Variants in FGD6 observed in about 807,000 individuals in gnomAD.
The protein encoded by FGD6 is FYVE, RhoGEF and PH domain-containing protein 6.
In FGD6, 90 loss-of-function variants were observed where a neutral mutation model predicts 149.4. That is an observed-to-expected ratio of 0.60 (90% CI 0.51 to 0.72). The LOEUF (loss-of-function observed/expected upper bound fraction) is 0.72, where lower values mean the gene tolerates loss of function less well. Among genes scored for constraint, FGD6 ranks in the 30% least tolerant of loss-of-function variants. FGD6 has a pLI of 0.00. For synonymous variants in FGD6, 527 were observed against 584.0 expected, an observed-to-expected ratio of 0.90 and a Z score of 1.41; for missense variants, 1,437 against 1,684.8, an observed-to-expected ratio of 0.85 and a Z score of 2.57.
At chr12:95,203,129 T>A (rs967714325) in intron 2 of FGD6, among the ~76,000 whole-genome samples, 3 of 152,216 alleles carry the variant, frequency 2.0e-5, no homozygotes, top group Non-Finnish European at 4.4e-5. Context: ...ACTTGCAGTG[T>A]CATTCAGCAG....
chr12:95,077,931 G>C lies in FGD6; in HGVS notation c.*3589C>G, dbSNP rs1877547860. 1 of 152,234 alleles carries C rather than the reference G, an allele frequency of 6.6e-6. No homozygotes were observed. The highest frequency in any genetic ancestry group is 2.1e-4 in the South Asian group (1 of 4,834). The allele number at this position is 152,234 out of a possible 1,614,324, so 9.4% of individuals were successfully genotyped here. On this transcript the variant is annotated 3_prime_UTR_variant, in exon 21 of 21. Transcript: ENST00000343958. ...GTTACAGATGTAGCTTTGCAGGATAGTGGAGAAAGTAGGTCTAAGGTCCAG... is the reference window on the plus strand; with the variant it reads ...GTTACAGATGTAGCTTTGCAGGATACTGGAGAAAGTAGGTCTAAGGTCCAG...
chr12:95,158,068 G>C (rs111757247), intron 3 of FGD6, among the ~76,000 whole-genome samples: 3 of 151,522 alleles, frequency 2.0e-5, no homozygotes, highest in Non-Finnish European at 4.4e-5. Context: ...GCATGGTCTC[G>C]ATCTCCTGAC....
At chr12:95,207,564 A>G (rs1006384747) in intron 2 of FGD6, among the ~76,000 whole-genome samples, 1 of 152,184 alleles carries the variant, frequency 6.6e-6, no homozygotes, top group East Asian at 1.9e-4. Flanking sequence ...AAAGCTACCT[A>G]TGCGACTATG....
Position 95,125,832 on chromosome 12 carries a change from A to G in FGD6, c.3082+8907T>C, listed in dbSNP as rs148785547. On this transcript the variant is annotated intron_variant, in intron 8 of 20. Coordinates refer to ENST00000343958, the MANE Select transcript of FGD6 (RefSeq NM_018351.4). ...CTTTGGACCTCATGCTGGAAAATTC[A>G]TTGTGATCATAGATGTTATTGATCA... is the stretch of plus-strand genomic sequence containing the variant. The G allele has an allele frequency of 2.4e-4, 239 of 1,003,322 alleles. 2 individuals are homozygous for G. In the East Asian group the frequency reaches 4.6e-3, roughly 19 times the overall value. The allele number at this position is 1,003,322 out of a possible 1,614,324, so 62.2% of individuals were successfully genotyped here.
chr12:95,165,253 T>C (rs1880771272), intron 3 of FGD6, among the ~76,000 whole-genome samples: 1 of 152,092 alleles, frequency 6.6e-6, no homozygotes, highest in Non-Finnish European at 1.5e-5. Context: ...GGCAAGTTAC[T>C]TAACTTGTAT....
At chr12:95,202,627 C>A (rs908788756) in intron 2 of FGD6, among the ~76,000 whole-genome samples, 2 of 151,874 alleles carry the variant, frequency 1.3e-5, no homozygotes, top group Non-Finnish European at 2.9e-5. Context: ...CTCCTGGGCT[C>A]GAGCAATCCT....
intron 18 of FGD6, among the ~76,000 whole-genome samples, chr12:95,088,641 G>A (rs755103752): frequency 4.6e-5 from 7 of 152,184 alleles, no homozygotes; most frequent in Non-Finnish European, 7.3e-5. Context: ...GAATATTTCT[G>A]TCAGCATAAT....
In FGD6 at chr12:95,210,589, A is replaced by T. The variant is rs1445026013; in HGVS notation, c.695T>A (p.Phe232Tyr). ...FADLSPSPSS[F>Y]EKVPDHHSCH... The stretch of plus-strand genomic sequence containing the variant: ...ACTGTGATGATCAGGAACTTTTTCA[A>T]AGCTGGATGGGGAAGGTGACAAATC... The change falls in exon 2 of 21, where the codon TTT becomes TAT. Residue 232 changes from phenylalanine to tyrosine, a missense_variant. Phe to Tyr is a conservative substitution (Grantham distance 22). This residue lies in a region of FGD6 where 1,055 missense variants were observed against 1,146.0 expected (regional missense o/e 0.92). Coordinates refer to ENST00000343958, the MANE Select transcript of FGD6 (RefSeq NM_018351.4). The T allele has an allele frequency of 1.1e-5, 18 of 1,614,206 alleles. No homozygotes were observed. Among genetic ancestry groups the T allele is most frequent in the Non-Finnish European group, 1.4e-5 (17 of 1,180,040 alleles).
intron 8 of FGD6, chr12:95,125,824 GA>G: frequency 1.0e-6 from 1 of 975,422 alleles, no homozygotes; most frequent in Non-Finnish European, 1.7e-6. Flanking sequence ...CCTCATGCTG[GA>G]AAATTCATTG....
intron 14 of FGD6, among the ~76,000 whole-genome samples, chr12:95,098,867 ATTTTT>A (rs63204961): frequency 1.6e-4 from 20 of 126,744 alleles, no homozygotes; most frequent in African/African-American, 3.6e-4. Context: ...GGCCCTTTTA[ATTTTT>A]TTTTTTTTTT....
At chr12:95,118,290 A>C (rs1192567468) in intron 8 of FGD6, among the ~76,000 whole-genome samples, 1 of 151,372 alleles carries the variant, frequency 6.6e-6, no homozygotes, top group Non-Finnish European at 1.5e-5. Flanking sequence ...TGGAGTTTGC[A>C]GTGAACCGAG....
At chr12:95,088,083 C>T (rs10128782) in intron 18 of FGD6, among the ~76,000 whole-genome samples, 18,693 of 152,122 alleles carry the variant, frequency 0.12, 1,486 homozygotes, top group Non-Finnish European at 0.18. Flanking sequence ...CAATTTAGGA[C>T]CAGTTTAGTA....
chr12:95,157,652 C>G (rs1880511598), intron 3 of FGD6, among the ~76,000 whole-genome samples: 1 of 151,192 alleles, frequency 6.6e-6, no homozygotes, highest in Non-Finnish European at 1.5e-5. Flanking sequence ...TGAAAATAAT[C>G]TTTAAATGGA....
rs1390031924 is a variant in FGD6, at chr12:95,148,763, T to C, written c.2685+4048A>G. 2.0e-3 allele frequency among the ~76,000 whole-genome samples: 183 copies of C among 90,868 alleles called. 11 individuals carry two copies. The highest frequency in any genetic ancestry group is 2.7e-3 in the South Asian group (8 of 2,934). The allele number at this position is 90,868 out of a possible 152,430, so 59.6% of individuals were successfully genotyped here. On this transcript the variant is annotated intron_variant, in intron 5 of 20. Coordinates refer to ENST00000343958, the MANE Select transcript of FGD6 (RefSeq NM_018351.4). ...ATATTATATAATACATAGCATATGTTATATTACATATATTATATATTATAT... is the reference window on the plus strand; with the variant it reads ...ATATTATATAATACATAGCATATGTCATATTACATATATTATATATTATAT...
intron 14 of FGD6, among the ~76,000 whole-genome samples, chr12:95,097,930 A>T (rs1878294139): frequency 6.6e-6 from 1 of 152,206 alleles, no homozygotes; most frequent in African/African-American, 2.4e-5. Context: ...AGTAGCAGGG[A>T]TGGCTCTGCA....
intron 5 of FGD6, among the ~76,000 whole-genome samples, chr12:95,144,033 A>G (rs1879934991): frequency 6.6e-6 from 1 of 152,086 alleles, no homozygotes; most frequent in Non-Finnish European, 1.5e-5. Flanking sequence ...TAACTTAAGG[A>G]CCCGGTTTGA....
rs576779655 is a variant in FGD6 at position 95,211,648 on chromosome 12, T to C, written c.17-381A>G. Among the ~76,000 whole-genome samples the C allele has an allele frequency of 3.3e-5, 5 of 151,958 alleles. 1 individual carries two copies. The highest frequency in any genetic ancestry group is 1.2e-4 in the African/African-American group (5 of 41,448). ...TCTGCTTCCAGGGTTCAAGTATTTCTCCTGCCTCAGCCTCCTGAGTAGCTG... is the reference window on the plus strand; with the variant it reads ...TCTGCTTCCAGGGTTCAAGTATTTCCCCTGCCTCAGCCTCCTGAGTAGCTG... On this transcript the variant is annotated intron_variant, in intron 1 of 20. Transcript: ENST00000343958.
chr12:95,210,520 G>C lies in FGD6; in HGVS notation c.764C>G (p.Thr255Ser). The C allele has an allele frequency of 6.2e-7, 1 of 1,613,940 alleles. No individual in the cohort carries two copies. Among genetic ancestry groups the C allele is most frequent in the Non-Finnish European group, 8.5e-7 (1 of 1,180,004 alleles). The change falls in exon 2 of 21, where the codon ACT becomes AGT. Residue 255 changes from threonine to serine, a missense_variant. Thr to Ser is a moderately conservative substitution (Grantham distance 58). This residue lies in a region of FGD6 where 1,055 missense variants were observed against 1,146.0 expected (regional missense o/e 0.92). Transcript: ENST00000343958. ...GCTTTTTTCACTGTCATCCTGGCAAGTTTCAAAATGTTCACATTCATCACT... is the reference window on the plus strand; with the variant it reads ...GCTTTTTTCACTGTCATCCTGGCAACTTTCAAAATGTTCACATTCATCACT... ...LPSDECEHFETCQDDSEKSNN... is the reference protein window; with the variant it reads ...LPSDECEHFESCQDDSEKSNN...
rs113140239 is a variant in FGD6 at position 95,124,080 on chromosome 12, A to AT, written c.3083-10380dup. ...AGGTGTGTGCCACCATGCATGGCTA[A>AT]TTTTTTTTTTTTAAAGAGGTGGGGT... On this transcript the variant is annotated intron_variant, in intron 8 of 20. Transcript: ENST00000343958. Among the ~76,000 whole-genome samples, 183 of 142,246 alleles carry AT rather than the reference A, an allele frequency of 1.3e-3. 4 individuals are homozygous for AT. The East Asian group carries it at 0.016, about 12-fold the overall frequency. The allele number at this position is 142,246 out of a possible 152,430, so 93.3% of individuals were successfully genotyped here.
Sources: allele counts gnomAD v4.1 joint callset (sites outside exome capture counted in the v4.1 genomes callset), GRCh38; gene constraint gnomAD v4.1.1; regional missense constraint gnomAD v4.1.1; transcripts MANE v1.5; gene names NCBI Gene and HGNC (gene_info 2026-07-23, HGNC 2026-07-21).